Variants in MID1 observed in about 807,000 individuals in gnomAD.
MID1 encodes the protein midline 1.
MID1 carries 7 observed loss-of-function variants against 40.4 expected under a neutral mutation model. The observed-to-expected ratio is 0.17, with a 90% confidence interval of 0.10 to 0.33. The LOEUF is 0.33. Ranked by LOEUF, MID1 falls within the 10% of genes least tolerant of loss-of-function variation. The pLI is 1.00. For synonymous variants in MID1, 229 were observed against 221.2 expected (o/e 1.04, Z -0.31); for missense variants, 367 against 558.5 (o/e 0.66, Z 3.46).
At chrX:10,678,773 G>A (rs1399095662) in intron 1 of MID1, among the ~76,000 whole-genome samples, 1 of 111,946 alleles carries the variant, frequency 8.9e-6, no homozygotes, top group Non-Finnish European at 1.9e-5. Context: ...TTAAATGCAT[G>A]GAAAGGTGTT....
intron 1 of MID1, among the ~76,000 whole-genome samples, chrX:10,675,742 A>G (rs2043018917): frequency 8.9e-6 from 1 of 111,769 alleles, no homozygotes. Context: ...AGCTCTAGAA[A>G]TAACAGAATG....
At chrX:10,693,387 T>C (rs2043143122) in intron 1 of MID1, among the ~76,000 whole-genome samples, 1 of 107,920 alleles carries the variant, frequency 9.3e-6, no homozygotes, top group African/African-American at 3.4e-5. Flanking sequence ...AGACAGGGTC[T>C]CACTGTGTTG....
chrX:10,694,365 A>T (rs897898029), intron 1 of MID1, among the ~76,000 whole-genome samples: 1 of 112,343 alleles, frequency 8.9e-6, no homozygotes, highest in African/African-American at 3.2e-5. Context: ...AGCTAGGTAT[A>T]TAAGCCCCAA....
Position 10,446,719 on chromosome X carries a change from T to C in MID1, c.*2649A>G, listed in dbSNP as rs910531065. 8.0e-5 allele frequency: 9 copies of C among 112,056 alleles called. No individual in the cohort carries two copies. Among genetic ancestry groups the C allele is most frequent in the Non-Finnish European group, 1.9e-5 (1 of 53,266 alleles). The allele number at this position is 112,056 out of a possible 1,213,427, so 9.2% of individuals were successfully genotyped here. A position where few individuals can be genotyped will look rare whatever the true frequency, so the allele number is the denominator to read the frequency against. On this transcript the variant is annotated 3_prime_UTR_variant, in exon 10 of 10. Transcript: ENST00000317552. ...ACGCAGGCCCCTTGTTCAAAAATTGTTAAGAATTTCAAGACATCAACAGCA... is the reference window on the plus strand; with the variant it reads ...ACGCAGGCCCCTTGTTCAAAAATTGCTAAGAATTTCAAGACATCAACAGCA...
intron 1 of MID1, among the ~76,000 whole-genome samples, chrX:10,714,437 A>G (rs2043287663): frequency 8.9e-6 from 1 of 112,160 alleles, no homozygotes; most frequent in Non-Finnish European, 1.9e-5. Flanking sequence ...CTGGAAACTT[A>G]TATAGCTCAC....
At chrX:10,729,822 C>T (rs1461785179) in intron 1 of MID1, among the ~76,000 whole-genome samples, 2 of 111,916 alleles carry the variant, frequency 1.8e-5, no homozygotes, top group Non-Finnish European at 3.8e-5. Context: ...CGGTGGCTCA[C>T]GCCTGTAATC....
chrX:10,828,002 ACT>A (rs1478465432), intron 1 of MID1, among the ~76,000 whole-genome samples: 4 of 111,208 alleles, frequency 3.6e-5, no homozygotes, highest in Non-Finnish European at 7.6e-5. Context: ...AAAGAGAATA[ACT>A]CTCTGTTAGA....
At chrX:10,576,135 T>C (rs754432060) in intron 1 of MID1, among the ~76,000 whole-genome samples, 1 of 111,139 alleles carries the variant, frequency 9.0e-6, no homozygotes, top group South Asian at 3.8e-4. Context: ...ATTATTATTA[T>C]TATTTTTTTA....
chrX:10,661,381 C>T (rs899570622), intron 1 of MID1, among the ~76,000 whole-genome samples: 17 of 108,045 alleles, frequency 1.6e-4, no homozygotes, highest in African/African-American at 5.8e-4. Context: ...GGTGCGATCT[C>T]GGCTCACTGC....
chrX:10,462,890 CT>C (rs1452455303), intron 7 of MID1, among the ~76,000 whole-genome samples: 1 of 111,663 alleles, frequency 9.0e-6, no homozygotes, highest in African/African-American at 3.3e-5. Flanking sequence ...CATTCCTTTC[CT>C]TCTCCTCTGT....
intron 1 of MID1, among the ~76,000 whole-genome samples, chrX:10,713,592 T>G (rs766674188): frequency 6.3e-4 from 71 of 112,594 alleles, no homozygotes; most frequent in Non-Finnish European, 1.7e-4. Context: ...CATCCCAAAG[T>G]GCTGGGATTA....
intron 1 of MID1, among the ~76,000 whole-genome samples, chrX:10,640,330 G>A (rs771447994): frequency 2.7e-5 from 3 of 111,099 alleles, no homozygotes; most frequent in East Asian, 5.6e-4. Context: ...GACCTACCAA[G>A]CAAATGGGGG....
intron 1 of MID1, among the ~76,000 whole-genome samples, chrX:10,782,194 C>T (rs755550142): frequency 6.6e-4 from 74 of 111,804 alleles, no homozygotes; most frequent in African/African-American, 2.3e-3. Context: ...TCGAAACCAC[C>T]AAGTCATCAT....
At chrX:10,631,537 T>C (rs760245815) in intron 1 of MID1, among the ~76,000 whole-genome samples, 1 of 111,597 alleles carries the variant, frequency 9.0e-6, no homozygotes, top group Non-Finnish European at 1.9e-5. Context: ...ACACAGCACA[T>C]AGTAAATACT....
At chrX:10,805,405 C>A (rs1001110151) in intron 1 of MID1, among the ~76,000 whole-genome samples, 5 of 107,905 alleles carry the variant, frequency 4.6e-5, no homozygotes, top group East Asian at 2.9e-4. Flanking sequence ...TGAACTCATC[C>A]TTTTTTATGG....
chrX:10,716,919 C>G (rs1257892997), intron 1 of MID1, among the ~76,000 whole-genome samples: 1 of 111,379 alleles, frequency 9.0e-6, no homozygotes, highest in African/African-American at 3.3e-5. Context: ...AATTTTCAAC[C>G]CAGAATTTCA....
chrX:10,507,400 T>C (rs1931896293), intron 3 of MID1, among the ~76,000 whole-genome samples: 1 of 112,433 alleles, frequency 8.9e-6, no homozygotes, highest in South Asian at 3.6e-4. Context: ...TATTGTTTAA[T>C]AGAACCCTTA....
chrX:10,507,750 A>G, intron 3 of MID1, among the ~76,000 whole-genome samples: 1 of 112,550 alleles, frequency 8.9e-6, no homozygotes, highest in East Asian at 2.8e-4. Flanking sequence ...AAAAGAAGAA[A>G]TGTTTCGCAC....
chrX:10,537,779 T>C (rs1178660305), intron 2 of MID1, among the ~76,000 whole-genome samples: 1 of 111,863 alleles, frequency 8.9e-6, no homozygotes, highest in Non-Finnish European at 1.9e-5. Flanking sequence ...TTTTCACAGC[T>C]TTAACTCCAT....
Sources: gnomAD v4.1 joint callset for allele counts (sites outside exome capture counted in the v4.1 genomes callset) on GRCh38, gnomAD v4.1.1 for gene constraint, MANE v1.5 for transcripts, NCBI Gene and HGNC (gene_info 2026-07-23, HGNC 2026-07-21) for gene names.